GRB10: variants seen among roughly 807,000 people sequenced by gnomAD.
GRB10 encodes the protein growth factor receptor-bound protein 10.
In GRB10, 20 loss-of-function variants were observed where a neutral mutation model predicts 80.9. The observed-to-expected ratio is 0.25, with a 90% CI of 0.17 to 0.36. The LOEUF (loss-of-function observed/expected upper bound fraction) is 0.36, where lower values mean the gene tolerates loss of function less well. Ranked by LOEUF, GRB10 falls within the 10% of genes least tolerant of loss-of-function variation. The pLI is 1.00. For synonymous variants in GRB10, 291 were observed against 291.5 expected (o/e 1.00, Z 0.02); for missense variants, 548 against 747.7 (o/e 0.73, Z 3.12).
At chr7:50,711,595 T>C (rs1231828349) in intron 4 of GRB10, among the ~76,000 whole-genome samples, 3 of 152,224 alleles carry the variant, frequency 2.0e-5, no homozygotes, top group Non-Finnish European at 4.4e-5. Flanking sequence ...TGACTACCTG[T>C]GTCACCTGCA....
At chr7:50,694,266 G>A (rs372183467) in intron 5 of GRB10, among the ~76,000 whole-genome samples, 1 of 152,208 alleles carries the variant, frequency 6.6e-6, no homozygotes, top group East Asian at 1.9e-4. Context: ...GGAGGTTGCA[G>A]TGATCCAAGA....
At chr7:50,667,961 C>G (rs2059979679) in intron 7 of GRB10, among the ~76,000 whole-genome samples, 1 of 152,192 alleles carries the variant, frequency 6.6e-6, no homozygotes, top group African/African-American at 2.4e-5. Context: ...ATGGGTAGCT[C>G]TGTAAACAAC....
intron 8 of GRB10, among the ~76,000 whole-genome samples, chr7:50,621,478 C>T (rs770640239): frequency 1.3e-5 from 2 of 152,216 alleles, no homozygotes; most frequent in Non-Finnish European, 2.9e-5. Flanking sequence ...GGTCAGTGAA[C>T]ACAACGTGGC....
upstream of GRB10, among the ~76,000 whole-genome samples, chr7:50,783,780 GCATT>G (rs1285170985): frequency 2.0e-5 from 3 of 152,188 alleles, no homozygotes; most frequent in African/African-American, 7.2e-5. Flanking sequence ...ATCCTATACT[GCATT>G]CACACACGTT....
intron 4 of GRB10, among the ~76,000 whole-genome samples, chr7:50,724,857 T>A (rs2068341780): frequency 6.6e-6 from 1 of 152,158 alleles, no homozygotes; most frequent in South Asian, 2.1e-4. Flanking sequence ...AAACAGCCTG[T>A]CCCTGAGGGT....
chr7:50,773,784 G>T (rs2077279098), intron 2 of GRB10, among the ~76,000 whole-genome samples: 1 of 152,200 alleles, frequency 6.6e-6, no homozygotes, highest in Admixed American at 6.5e-5. Context: ...CCAAAAGGTA[G>T]AAACATAAAT....
intron 3 of GRB10, among the ~76,000 whole-genome samples, chr7:50,747,272 T>C (rs2073119192): frequency 6.6e-6 from 1 of 152,156 alleles, no homozygotes; most frequent in African/African-American, 2.4e-5. Flanking sequence ...GAACCTGGCC[T>C]GGGGCTGGGA....
At chr7:50,784,277 A>C (rs1216761312), upstream of GRB10, among the ~76,000 whole-genome samples, 1 of 152,210 alleles carries the variant, frequency 6.6e-6, no homozygotes, top group African/African-American at 2.4e-5. Flanking sequence ...GAAATTATGT[A>C]ACTTATCCAA....
chr7:50,647,070 C>T (rs187873787), intron 7 of GRB10, among the ~76,000 whole-genome samples: 1 of 152,314 alleles, frequency 6.6e-6, no homozygotes, highest in Admixed American at 6.5e-5. Flanking sequence ...TGGAAGAAAG[C>T]TCATTTAGGC....
At chr7:50,650,681 A>G (rs1352333483) in intron 7 of GRB10, among the ~76,000 whole-genome samples, 1 of 152,234 alleles carries the variant, frequency 6.6e-6, no homozygotes, top group Admixed American at 6.5e-5. Context: ...TGGGGAATGG[A>G]TAAAACAGGT....
chr7:50,641,746 A>T (rs1342384494), intron 7 of GRB10, among the ~76,000 whole-genome samples: 2 of 152,182 alleles, frequency 1.3e-5, no homozygotes, highest in Non-Finnish European at 2.9e-5. Flanking sequence ...CTGCTCCAAC[A>T]TCTCTGCGGC....
intron 8 of GRB10, among the ~76,000 whole-genome samples, chr7:50,624,217 A>G (rs913925621): frequency 1.3e-5 from 2 of 152,182 alleles, no homozygotes; most frequent in Non-Finnish European, 2.9e-5. Context: ...CCTGACATAT[A>G]ATTACCTGGG....
chr7:50,703,686 T>C (rs878892194), intron 5 of GRB10, 135 bp downstream of exon 5: 2 of 678,566 alleles, frequency 2.9e-6, no homozygotes, highest in African/African-American at 1.8e-5. Flanking sequence ...GAATTCACTG[T>C]CCTTAATGAG....
At chr7:50,770,453 G>A (rs1260680853) in intron 2 of GRB10, among the ~76,000 whole-genome samples, 4 of 152,132 alleles carry the variant, frequency 2.6e-5, no homozygotes, top group Non-Finnish European at 4.4e-5. Context: ...TGGCCTCCAA[G>A]GTCTCTGCCT....
At chr7:50,593,807 T>C (rs549553741) in intron 18 of GRB10, among the ~76,000 whole-genome samples, 6 of 152,268 alleles carry the variant, frequency 3.9e-5, no homozygotes, top group African/African-American at 1.4e-4. Context: ...ATTAATGAGC[T>C]TGGAACCACT....
chr7:50,760,750 C>T (rs1427699272), intron 2 of GRB10, among the ~76,000 whole-genome samples: 2 of 152,194 alleles, frequency 1.3e-5, no homozygotes, highest in Non-Finnish European at 2.9e-5. Flanking sequence ...GCTATACAAG[C>T]TACACTGAAA....
upstream of GRB10, among the ~76,000 whole-genome samples, chr7:50,786,410 C>A (rs1311903134): frequency 6.6e-6 from 1 of 152,120 alleles, no homozygotes; most frequent in African/African-American, 2.4e-5. Flanking sequence ...AAGTGGAGAC[C>A]CAACAAGACT....
At chr7:50,627,963 C>T (rs781354455) in intron 7 of GRB10, among the ~76,000 whole-genome samples, 16 of 152,160 alleles carry the variant, frequency 1.1e-4, no homozygotes, top group Non-Finnish European at 2.4e-4. Context: ...TGCCTTGCAC[C>T]GGCTCCCTTA....
intron 6 of GRB10, 64 bp downstream of exon 6, chr7:50,674,372 A>G: frequency 6.8e-7 from 1 of 1,473,658 alleles, no homozygotes; most frequent in Non-Finnish European, 9.4e-7. Flanking sequence ...ACTCACAGAG[A>G]GCAGTGTCCC....
Sources: gnomAD v4.1 joint callset for allele counts (sites outside exome capture counted in the v4.1 genomes callset) on GRCh38, gnomAD v4.1.1 for gene constraint, MANE v1.5 for transcripts, NCBI Gene and HGNC (gene_info 2026-07-23, HGNC 2026-07-21) for gene names.